The following NDUFAF1 variants were observed in gnomAD, a reference collection of about 807,000 sequenced individuals.
NDUFAF1 encodes the protein complex I intermediate-associated protein 30, mitochondrial.
In NDUFAF1, 18 loss-of-function variants were observed where a neutral mutation model predicts 28.7. The ratio of observed to expected loss-of-function variants is 0.63; its 90% CI spans 0.43 to 0.93. The LOEUF is 0.93. NDUFAF1 is among the 40% of genes least tolerant of loss of function. The pLI, the probability that NDUFAF1 is intolerant of heterozygous loss-of-function variation, is 0.00. For missense variants in NDUFAF1, 404 were observed against 398.3 expected, an observed-to-expected ratio of 1.01 and a Z score of -0.12; for synonymous variants, 113 against 139.7, an observed-to-expected ratio of 0.81 and a Z score of 1.35.
chr15:41,400,079 T>TA (rs2050442469), intron 1 of NDUFAF1, among the ~76,000 whole-genome samples: 1 of 145,394 alleles, frequency 6.9e-6, no homozygotes, highest in Non-Finnish European at 1.5e-5. Flanking sequence ...TAAATAAAAA[T>TA]AAAAAATTGT....
intron 2 of NDUFAF1, among the ~76,000 whole-genome samples, chr15:41,395,896 T>G (rs1322609386): frequency 1.3e-5 from 2 of 151,560 alleles, no homozygotes; most frequent in African/African-American, 4.8e-5. Context: ...AAGACCAGCC[T>G]GGCCAACATG....
chr15:41,388,314 T>C (rs747869793), intron 4 of NDUFAF1, 134 bp downstream of exon 4: 6 of 714,300 alleles, frequency 8.4e-6, no homozygotes, highest in Non-Finnish European at 1.5e-5. Context: ...AGTCAGCCTC[T>C]GGCTGGGTAT....
At chr15:41,388,741 G>A (rs1409324844) in intron 3 of NDUFAF1, among the ~76,000 whole-genome samples, 1 of 150,928 alleles carries the variant, frequency 6.6e-6, no homozygotes, top group Non-Finnish European at 1.5e-5. Context: ...AAAAAGACTA[G>A]TATCCTAAAC....
chr15:41,401,490 A>T (rs2050463058), intron 1 of NDUFAF1, among the ~76,000 whole-genome samples: 1 of 148,314 alleles, frequency 6.7e-6, no homozygotes, highest in African/African-American at 2.5e-5. Flanking sequence ...GTTGGAGTGC[A>T]GTTGTGCGAT....
chr15:41,399,278 C>G, intron 1 of NDUFAF1, among the ~76,000 whole-genome samples: 1 of 152,062 alleles, frequency 6.6e-6, no homozygotes, highest in Admixed American at 6.6e-5. Flanking sequence ...TGCCTGTAAT[C>G]CCAGCTACTT....
chr15:41,392,705 G>A (rs995410174), intron 3 of NDUFAF1, among the ~76,000 whole-genome samples: 1 of 152,252 alleles, frequency 6.6e-6, no homozygotes, highest in East Asian at 1.9e-4. Context: ...AGAACTGTGA[G>A]TCAATTAAAC....
At chr15:41,394,404 C>T (rs1455853368) in intron 3 of NDUFAF1, 1 of 1,287,936 alleles carries the variant, frequency 7.8e-7, no homozygotes, top group Non-Finnish European at 1.0e-6. Context: ...CAAACAAACC[C>T]CATCTATTTG....
chr15:41,395,173 C>T lies in NDUFAF1; in HGVS notation c.574-129G>A, dbSNP rs771738055. 372 of 783,232 alleles carry T rather than the reference C, an allele frequency of 4.7e-4. 1 individual carries two copies. The highest frequency in any genetic ancestry group is 3.0e-4 in the Non-Finnish European group (138 of 455,584). 48.5% of individuals were successfully genotyped at this position (783,232 alleles called of 1,614,324 possible). ...TCTGACTTTCTGCCCCATAAGAAGGCACATAAACCCAGTGATTATTATTTT... is the reference window on the plus strand; with the variant it reads ...TCTGACTTTCTGCCCCATAAGAAGGTACATAAACCCAGTGATTATTATTTT... On this transcript the variant is annotated intron_variant, in intron 2 of 4. Transcript: ENST00000260361.
rs754295282 is a variant in NDUFAF1, at chr15:41,402,428, C to T, written c.-366G>A. The T allele has an allele frequency of 2.3e-6, 1 of 436,104 alleles. No homozygotes were observed. The highest frequency in any genetic ancestry group is 7.1e-5 in the East Asian group (1 of 14,016). The allele number at this position is 436,104 out of a possible 1,614,324, so 27.0% of individuals were successfully genotyped here. A position where few individuals can be genotyped will look rare whatever the true frequency, so the allele number is the denominator to read the frequency against. On this transcript the variant is annotated 5_prime_UTR_variant, in exon 1 of 5. Coordinates refer to ENST00000260361, the MANE Select transcript of NDUFAF1 (RefSeq NM_016013.4). ...CCCCACACCCGGGACACACCAACCG[C>T]CGGCCTGCCGCCGCTTACCTCCCCG...
rs756628573 is a variant in NDUFAF1, at chr15:41,397,040, A to G, written c.20T>C (p.Leu7Ser). Reference sequence around the variant, plus strand: ...TCTGAGAAAATAAGTACCACGCAGCAATTTGTGAACCAAAGCCATGGTACA... The same window carrying G: ...TCTGAGAAAATAAGTACCACGCAGCGATTTGTGAACCAAAGCCATGGTACA... MALVHKLLRGTYFLRKF... is the reference protein window; with the variant it reads MALVHKSLRGTYFLRKF... The change falls in exon 2 of 5, where the codon TTG (leucine) becomes TCG (serine). Residue 7 changes from leucine to serine, a missense_variant. Coordinates refer to ENST00000260361, the MANE Select transcript of NDUFAF1 (RefSeq NM_016013.4). 2 of 1,613,412 alleles carry G rather than the reference A, an allele frequency of 1.2e-6. No homozygotes were observed. The highest frequency in any genetic ancestry group is 1.3e-5 in the African/African-American group (1 of 74,874).
rs141504721 is a variant in NDUFAF1 at position 41,394,888 on chromosome 15, G to A, written c.730C>T (p.Arg244Cys). Residue 244 changes from arginine to cysteine, a missense_variant, in exon 3 of 5, where the codon CGC becomes TGC. Transcript: ENST00000260361. ...NQMYSYFMFTRGGPYWQEVKI... is the reference protein window; with the variant it reads ...NQMYSYFMFTCGGPYWQEVKI... ...ACCTCCTGCCAGTAGGGTCCCCCGC[G>A]GGTGAACATGAAGTAACTATACATC... 1.8e-5 allele frequency: 29 copies of A among 1,613,834 alleles called. No homozygotes were observed. The highest frequency in any genetic ancestry group is 5.0e-5 in the Admixed American group (3 of 59,954).
chr15:41,391,439 G>A (rs2050314555), intron 3 of NDUFAF1, among the ~76,000 whole-genome samples: 1 of 151,652 alleles, frequency 6.6e-6, no homozygotes, highest in South Asian at 2.1e-4. Flanking sequence ...TGGCCAACTT[G>A]GTGAATGAAA....
At position 41,388,441 on chromosome 15, in the gene NDUFAF1, A is replaced by G. The variant is rs1485532498; in HGVS notation, c.834+7T>C. Reference sequence around the variant, plus strand: ...AGTTCTGAGTGAAAAATACAGGAATATGTTACCTTATCAAGCGGAAGCTCA... The same window carrying G: ...AGTTCTGAGTGAAAAATACAGGAATGTGTTACCTTATCAAGCGGAAGCTCA... On this transcript the variant is annotated splice_region_variant and intron_variant, in intron 4 of 4. Coordinates refer to ENST00000260361, the MANE Select transcript of NDUFAF1 (RefSeq NM_016013.4). 2 of 1,596,762 alleles carry G rather than the reference A, an allele frequency of 1.3e-6. No homozygotes were observed. Among genetic ancestry groups the G allele is most frequent in the Admixed American group, 1.7e-5 (1 of 59,948 alleles).
At chr15:41,396,111 G>C (rs2050383589) in intron 2 of NDUFAF1, among the ~76,000 whole-genome samples, 1 of 151,580 alleles carries the variant, frequency 6.6e-6, no homozygotes, top group Non-Finnish European at 1.5e-5. Flanking sequence ...GAAAGCCACA[G>C]GCTAACCCTA....
In NDUFAF1 at chr15:41,388,460, A is replaced by G; in HGVS notation, c.822T>C (p.Leu274=). The G allele has an allele frequency of 6.2e-7, 1 of 1,611,724 alleles. No homozygotes were observed. The highest frequency in any genetic ancestry group is 1.1e-5 in the South Asian group (1 of 91,038). ...RGRIRDVQHE[L]PLDKISSIGF... is the part of the protein sequence containing the mutation. The stretch of plus-strand genomic sequence containing the variant: ...AGGAATATGTTACCTTATCAAGCGG[A>G]AGCTCATGCTGAACATCCCGGATTC... The change falls in exon 4 of 5, where the codon CTT becomes CTC. Residue 274 remains leucine, a synonymous_variant. Coordinates refer to ENST00000260361, the MANE Select transcript of NDUFAF1 (RefSeq NM_016013.4).
chr15:41,399,005 C>G (rs946789083), intron 1 of NDUFAF1, among the ~76,000 whole-genome samples: 3 of 151,970 alleles, frequency 2.0e-5, no homozygotes, highest in African/African-American at 7.2e-5. Flanking sequence ...GTGGCTCACA[C>G]CTGTAATCCC....
In NDUFAF1 at chr15:41,397,000, T is replaced by G. The variant is rs143762895; in HGVS notation, c.60A>C (p.Pro20=). ...CCAAAAATGGATACAAGGCAGAAGT[T>G]GGCTTAGAGAATTTTCTGAGAAAAT... ...GTYFLRKFSK[P]TSALYPFLGI... is the part of the protein sequence containing the mutation. The change falls in exon 2 of 5, where the codon CCA becomes CCC. Residue 20 remains proline (P), a synonymous_variant. Coordinates refer to ENST00000260361, the MANE Select transcript of NDUFAF1 (RefSeq NM_016013.4). 18 of 1,612,636 alleles carry G rather than the reference T, an allele frequency of 1.1e-5. No individual in the cohort carries two copies. The highest frequency in any genetic ancestry group is 1.4e-5 in the Non-Finnish European group (17 of 1,179,520).
chr15:41,397,764 A>G (rs941279085), intron 1 of NDUFAF1, among the ~76,000 whole-genome samples: 2 of 142,858 alleles, frequency 1.4e-5, no homozygotes, highest in Admixed American at 7.5e-5. Context: ...CCGCCACTAC[A>G]CTCCAGCCTG....
intron 3 of NDUFAF1, among the ~76,000 whole-genome samples, chr15:41,390,731 A>G (rs2050306732): frequency 6.7e-6 from 1 of 149,178 alleles, no homozygotes; most frequent in Admixed American, 6.7e-5. Flanking sequence ...TCTCAAAAAA[A>G]AAAAAAATAG....
Sources: gnomAD v4.1 joint callset for allele counts (sites outside exome capture counted in the v4.1 genomes callset) on GRCh38, gnomAD v4.1.1 for gene constraint, MANE v1.5 for transcripts, NCBI Gene and HGNC (gene_info 2026-07-23, HGNC 2026-07-21) for gene names.